The following NID1 variants were observed in gnomAD, a reference collection of about 807,000 sequenced individuals.
NID1 encodes nidogen 1, also known as nidogen-1.
A neutral mutation model predicts 130.6 loss-of-function variants in NID1; 76 were observed. The ratio of observed to expected loss-of-function variants is 0.58; its 90% CI spans 0.48 to 0.70. The LOEUF (loss-of-function observed/expected upper bound fraction) is 0.70, where lower values mean the gene tolerates loss of function less well. Among genes scored for constraint, NID1 ranks in the 30% least tolerant of loss-of-function variants. NID1 has a pLI of 0.00. For missense variants in NID1, 1,517 were observed against 1,664.8 expected (o/e 0.91, Z 1.54); for synonymous variants, 665 against 675.1 (o/e 0.98, Z 0.23).
chr1:236,021,223 AGCC>A (rs1166945953), intron 9 of NID1, among the ~76,000 whole-genome samples: 10 of 152,212 alleles, frequency 6.6e-5, no homozygotes, highest in Non-Finnish European at 2.9e-5. Flanking sequence ...AACTGGCCAG[AGCC>A]AATTCAGCCA....
intron 2 of NID1, among the ~76,000 whole-genome samples, chr1:236,047,845 G>A (rs1659650323): frequency 6.6e-6 from 1 of 150,692 alleles, no homozygotes; most frequent in Non-Finnish European, 1.5e-5. Flanking sequence ...TGGCCAATGT[G>A]GTGAAACCCC....
chr1:236,017,125 GA>G, intron 10 of NID1, 22 bp downstream of exon 10: 4 of 1,613,742 alleles, frequency 2.5e-6, no homozygotes, highest in Non-Finnish European at 3.4e-6. Flanking sequence ...ATACTGTTTC[GA>G]AAAGTTACCT....
At chr1:236,038,680 ATGT>A (rs2102836803) in intron 4 of NID1, among the ~76,000 whole-genome samples, 1 of 142,192 alleles carries the variant, frequency 7.0e-6, no homozygotes, top group Admixed American at 7.3e-5. Flanking sequence ...TATATTACCT[ATGT>A]TATATAGGTC....
intron 12 of NID1, among the ~76,000 whole-genome samples, chr1:235,995,379 C>G (rs2102803198): frequency 6.6e-6 from 1 of 152,278 alleles, no homozygotes; most frequent in East Asian, 1.9e-4. Flanking sequence ...TCTTCAGGAA[C>G]CAATGCCCCG....
rs375292088 is a variant in NID1, at chr1:235,979,900, C to A, written c.3431G>T (p.Arg1144Leu). Residue 1144 changes from arginine to leucine, a missense_variant, in exon 18 of 20, where the codon CGC becomes CTC. This residue lies in a region of NID1 where 181 missense variants were observed against 211.3 expected (regional missense o/e 0.86). Coordinates refer to ENST00000264187, the MANE Select transcript of NID1 (RefSeq NM_002508.3). This position sits in a 1 kb window ranked among gnomAD's most constrained non-coding sequence, Gnocchi z 4.6. ...ECLNPSQPSRRKALEGLQYPF... is the reference protein window; with the variant it reads ...ECLNPSQPSRLKALEGLQYPF... ...ATACTGGAGCCCTTCGAGAGCCTTG[C>A]GTCTGCTGGGCTGACTGGGGTTCAG... is the stretch of plus-strand genomic sequence containing the variant. 4.2e-5 allele frequency: 68 copies of A among 1,613,964 alleles called. No individual in the cohort carries two copies. Among genetic ancestry groups the A allele is most frequent in the Non-Finnish European group, 5.8e-5 (68 of 1,179,944 alleles).
intron 4 of NID1, among the ~76,000 whole-genome samples, chr1:236,040,619 C>G (rs1314753490): frequency 6.7e-6 from 1 of 149,242 alleles, no homozygotes; most frequent in Non-Finnish European, 1.5e-5. Flanking sequence ...CCGTATCAAA[C>G]TAATGTGAAA....
intron 9 of NID1, among the ~76,000 whole-genome samples, chr1:236,020,227 C>T (rs1658724013): frequency 6.6e-6 from 1 of 152,114 alleles, no homozygotes; most frequent in African/African-American, 2.4e-5. Context: ...AAGAGATTTC[C>T]TTTCACAGGA....
Position 236,017,170 on chromosome 1 carries a change from A to G in NID1, c.2232T>C (p.Phe744=). 6.2e-7 allele frequency: 1 copy of G among 1,614,186 alleles called. No homozygotes were observed. Among genetic ancestry groups the G allele is most frequent in the Non-Finnish European group, 8.5e-7 (1 of 1,180,002 alleles). Residue 744 remains phenylalanine (F), a synonymous_variant, in exon 10 of 20, where the codon TTT becomes TTC. Transcript: ENST00000264187. ...FRCECVEGYQ[F]SDEGTCVAVV... ...TACCCACACACGTTCCCTCATCTGA[A>G]AACTGGTAGCCCTCCACACACTCGC...
At position 235,979,006 on chromosome 1, in the gene NID1, T is replaced by G; in HGVS notation, c.3611A>C (p.Gln1204Pro). 6.2e-7 allele frequency: 1 copy of G among 1,612,594 alleles called. No individual in the cohort carries two copies. The highest frequency in any genetic ancestry group is 8.5e-7 in the Non-Finnish European group (1 of 1,178,710). The part of the protein sequence containing the change: ...RLYGITTALS[Q>P]CPQGHNYCSV... ...CACAGGAGAGTTACCTTGCGGACACTGAGACAGGGCCGTGGTGATGCCATA... is the reference window on the plus strand; with the variant it reads ...CACAGGAGAGTTACCTTGCGGACACGGAGACAGGGCCGTGGTGATGCCATA... The change falls in exon 19 of 20, where the codon CAG becomes CCG. Residue 1204 changes from glutamine to proline, a missense_variant. Physicochemically the swap from Gln to Pro is moderately conservative, Grantham distance 76. Around this residue, in one of 3 missense-constraint regions of NID1, gnomAD observed 181 missense variants for 211.3 expected, o/e 0.86. Coordinates refer to ENST00000264187, the MANE Select transcript of NID1 (RefSeq NM_002508.3). The surrounding 1 kb of genome is among the most constrained non-coding windows in gnomAD (Gnocchi z 4.6).
At chr1:236,037,267 G>C (rs182265476) in intron 5 of NID1, among the ~76,000 whole-genome samples, 141 of 152,368 alleles carry the variant, frequency 9.3e-4, no homozygotes, top group African/African-American at 3.2e-3. Context: ...CACCAGGAAA[G>C]AGAGACAGGA....
At chr1:236,059,421 G>A (rs1482713937) in intron 1 of NID1, among the ~76,000 whole-genome samples, 3 of 152,178 alleles carry the variant, frequency 2.0e-5, no homozygotes, top group Non-Finnish European at 2.9e-5. Context: ...AGCCTAATCC[G>A]TTTGCAAGGT....
rs1047353968 is a variant in NID1, at chr1:236,013,684, T to C, written c.2255-124A>G. Reference sequence around the variant, plus strand: ...CTAGACCTCTAGGCATGTCCACAGCTTCACCTGCACCCCACTCCTCACTGG... The same window carrying C: ...CTAGACCTCTAGGCATGTCCACAGCCTCACCTGCACCCCACTCCTCACTGG... On this transcript the variant is annotated intron_variant, in intron 10 of 19. Coordinates refer to ENST00000264187, the MANE Select transcript of NID1 (RefSeq NM_002508.3). 23 of 1,087,312 alleles carry C rather than the reference T, an allele frequency of 2.1e-5. No homozygotes were observed. The African/African-American group carries it at 3.4e-4, about 16-fold the overall frequency. The allele number at this position is 1,087,312 out of a possible 1,614,324, so 67.4% of individuals were successfully genotyped here. A position where few individuals can be genotyped will look rare whatever the true frequency, so the allele number is the denominator to read the frequency against.
intron 17 of NID1, 38 bp downstream of exon 17, chr1:235,980,458 T>C: frequency 6.2e-7 from 1 of 1,603,774 alleles, no homozygotes; most frequent in Non-Finnish European, 8.5e-7. Context: ...ACTTAGGAGA[T>C]TGAGACCCGC....
intron 7 of NID1, among the ~76,000 whole-genome samples, chr1:236,028,532 A>G (rs1659003713): frequency 6.6e-6 from 1 of 152,122 alleles, no homozygotes. Context: ...CCAAAAAACT[A>G]TACATATCAC....
intron 1 of NID1, among the ~76,000 whole-genome samples, chr1:236,052,803 G>A (rs529736705): frequency 3.4e-4 from 52 of 152,328 alleles, no homozygotes; most frequent in Non-Finnish European, 6.2e-4. Flanking sequence ...TGATAGGACA[G>A]CAACCTGTCC....
chr1:236,047,765 ACCT>A lies in NID1; in HGVS notation c.525+922_525+924del, dbSNP rs1659646825. Among the ~76,000 whole-genome samples the A allele has an allele frequency of 4.6e-5, 7 of 151,856 alleles. No homozygotes were observed. The South Asian group carries it at 1.5e-3, about 32-fold the overall frequency. ...CTTCCAGCCGGGCTCGGTGGCACACACCTGTAATCCCAGCACTTTGGGAGGCTG... is the reference window on the plus strand; with the variant it reads ...CTTCCAGCCGGGCTCGGTGGCACACAGTAATCCCAGCACTTTGGGAGGCTG... On this transcript the variant is annotated intron_variant, in intron 2 of 19. Coordinates refer to ENST00000264187, the MANE Select transcript of NID1 (RefSeq NM_002508.3).
chr1:236,052,230 CAA>C (rs1659778902), intron 1 of NID1, among the ~76,000 whole-genome samples: 1 of 152,224 alleles, frequency 6.6e-6, no homozygotes, highest in Non-Finnish European at 1.5e-5. Flanking sequence ...TCTCATTTTG[CAA>C]AGTCTGTCAA....
chr1:236,051,326 C>G (rs1288131938), intron 1 of NID1, among the ~76,000 whole-genome samples: 4 of 142,468 alleles, frequency 2.8e-5, no homozygotes, highest in Non-Finnish European at 4.6e-5. Flanking sequence ...CTTCACACTT[C>G]ATTACTAGAG....
At position 235,990,216 on chromosome 1, in the gene NID1, A is replaced by G. The variant is rs79133232; in HGVS notation, c.2928+670T>C. On this transcript the variant is annotated intron_variant, in intron 14 of 19. Coordinates refer to ENST00000264187, the MANE Select transcript of NID1 (RefSeq NM_002508.3). Reference sequence around the variant, plus strand: ...AGAAAAAGAAGAAAACACAATGGGTAGAGAAAGGAGGAAGAGAAGAAAAGC... The same window carrying G: ...AGAAAAAGAAGAAAACACAATGGGTGGAGAAAGGAGGAAGAGAAGAAAAGC... Among the ~76,000 whole-genome samples the G allele has an allele frequency of 8.5e-4, 129 of 152,340 alleles. 3 individuals are homozygous for G. The East Asian group carries it at 0.023, about 27-fold the overall frequency.
Sources: allele counts gnomAD v4.1 joint callset (sites outside exome capture counted in the v4.1 genomes callset), GRCh38; gene constraint gnomAD v4.1.1; regional missense constraint gnomAD v4.1.1; non-coding constraint Gnocchi (gnomAD v3.1); transcripts MANE v1.5; gene names NCBI Gene and HGNC (gene_info 2026-07-23, HGNC 2026-07-21).